Variants in MED13L observed in about 807,000 individuals in gnomAD.
The protein encoded by MED13L is mediator of RNA polymerase II transcription subunit 13-like.
In MED13L, 7 loss-of-function variants were observed where a neutral mutation model predicts 220.9. The ratio of observed to expected loss-of-function variants is 0.03; its 90% CI spans 0.02 to 0.06. The LOEUF (loss-of-function observed/expected upper bound fraction) is 0.06, where lower values mean the gene tolerates loss of function less well. MED13L is among the 10% of genes least tolerant of loss of function. MED13L has a pLI of 1.00. For synonymous variants in MED13L, 1,011 were observed against 1,015.2 expected (o/e 1.00, Z 0.08); for missense variants, 1,965 against 2,760.5 (o/e 0.71, Z 6.46).
chr12:116,247,614 T>C (rs1422104958), intron 1 of MED13L, among the ~76,000 whole-genome samples: 1 of 152,192 alleles, frequency 6.6e-6, no homozygotes, highest in Non-Finnish European at 1.5e-5. Context: ...CCCATCTGAC[T>C]GGTTATTTCC....
intron 2 of MED13L, among the ~76,000 whole-genome samples, chr12:116,160,686 C>T (rs539519791): frequency 1.4e-4 from 22 of 152,202 alleles, no homozygotes; most frequent in African/African-American, 5.3e-4. Flanking sequence ...CATTCTCCTA[C>T]CTCAGCCTCC....
At chr12:116,044,827 C>CA (rs1174483247) in intron 4 of MED13L, among the ~76,000 whole-genome samples, 1 of 152,150 alleles carries the variant, frequency 6.6e-6, no homozygotes, top group South Asian at 2.1e-4. Flanking sequence ...AGCTCATCAT[C>CA]AAAAATCATC....
chr12:116,200,840 G>C (rs1881967362), intron 2 of MED13L, among the ~76,000 whole-genome samples: 1 of 152,160 alleles, frequency 6.6e-6, no homozygotes, highest in Non-Finnish European at 1.5e-5. Flanking sequence ...GAGAGGTAGA[G>C]AATATCATAA....
At chr12:115,969,888 T>C (rs981112638) in intron 27 of MED13L, among the ~76,000 whole-genome samples, 1 of 152,128 alleles carries the variant, frequency 6.6e-6, no homozygotes, top group Non-Finnish European at 1.5e-5. Flanking sequence ...AGCAGAAAAT[T>C]TGTAAAGAAA....
intron 2 of MED13L, among the ~76,000 whole-genome samples, chr12:116,226,299 C>A (rs1436586630): frequency 6.6e-6 from 1 of 152,118 alleles, no homozygotes; most frequent in African/African-American, 2.4e-5. Flanking sequence ...GAACTCACTG[C>A]CAAATCCCAA....
In MED13L at chr12:116,022,488, T is replaced by C. The variant is rs764593997; in HGVS notation, c.593A>G (p.His198Arg). 1 of 1,613,844 alleles carries C rather than the reference T, an allele frequency of 6.2e-7. No homozygotes were observed. The highest frequency in any genetic ancestry group is 8.5e-7 in the Non-Finnish European group (1 of 1,179,878). The change falls in exon 5 of 31, where the codon CAC becomes CGC. Residue 198 changes from histidine to arginine, a missense_variant. This residue lies in a region of MED13L where 818 missense variants were observed against 1,041.2 expected (regional missense o/e 0.79). Transcript: ENST00000281928. ...PIYLINEEHI[H>R]MAQSSPAPFQ... is the part of the protein sequence containing the mutation. ...TGGTGCAGGTGAAGACTGAGCCATGTGTATATGCTCCTCATTGATCAAATA... is the reference window on the plus strand; with the variant it reads ...TGGTGCAGGTGAAGACTGAGCCATGCGTATATGCTCCTCATTGATCAAATA...
chr12:116,204,198 G>C (rs1156730665), intron 2 of MED13L, among the ~76,000 whole-genome samples: 1 of 152,070 alleles, frequency 6.6e-6, no homozygotes, highest in Non-Finnish European at 1.5e-5. Flanking sequence ...TTTTGAGAGA[G>C]AACAAAATTC....
intron 2 of MED13L, among the ~76,000 whole-genome samples, chr12:116,124,304 T>C (rs1875391531): frequency 6.6e-6 from 1 of 152,156 alleles, no homozygotes; most frequent in Non-Finnish European, 1.5e-5. Context: ...CTTGACAGTC[T>C]ATGGCAAATA....
chr12:115,985,517 G>A (rs976870161), intron 19 of MED13L, among the ~76,000 whole-genome samples: 2 of 152,152 alleles, frequency 1.3e-5, no homozygotes, highest in Non-Finnish European at 2.9e-5. Flanking sequence ...GCCTATCATA[G>A]TACTAAATAT....
At chr12:116,225,534 G>A (rs994861337) in intron 2 of MED13L, among the ~76,000 whole-genome samples, 1 of 152,184 alleles carries the variant, frequency 6.6e-6, no homozygotes, top group Admixed American at 6.5e-5. Context: ...GGATGCCAAG[G>A]CAAGCAACCT....
In MED13L at chr12:116,105,571, A is replaced by G. The variant is rs531172669; in HGVS notation, c.395+5857T>C. Among the ~76,000 whole-genome samples, 26 of 152,324 alleles carry G rather than the reference A, an allele frequency of 1.7e-4. No homozygotes were observed. The East Asian group carries it at 3.9e-3, about 23-fold the overall frequency. The stretch of plus-strand genomic sequence containing the variant: ...CTGACAAATTACAAATAAAAAATGT[A>G]CCAGAAGAAGCCAATAAGACTCAAA... On this transcript the variant is annotated intron_variant, in intron 3 of 30. Transcript: ENST00000281928.
intron 4 of MED13L, among the ~76,000 whole-genome samples, chr12:116,036,242 T>A (rs549781781): frequency 1.3e-5 from 2 of 152,246 alleles, no homozygotes; most frequent in African/African-American, 4.8e-5. Context: ...ACAACTGATA[T>A]ACACAGTGAA....
chr12:115,984,209 A>C lies in MED13L; in HGVS notation c.4502T>G (p.Leu1501Arg), dbSNP rs760556578. 6.2e-7 allele frequency: 1 copy of C among 1,613,992 alleles called. No homozygotes were observed. Among genetic ancestry groups the C allele is most frequent in the Non-Finnish European group, 8.5e-7 (1 of 1,179,980 alleles). Residue 1501 changes from leucine to arginine, a missense_variant, in exon 20 of 31, where the codon CTT (leucine) becomes CGT (arginine). By Grantham distance (102) the Leu-to-Arg change is moderately radical (BLOSUM62 -2). Transcript: ENST00000281928. ...GTGATGGCGGCAAACTTGCGCATAA[A>C]GTTTGAGTCTGGAATGATTGTCATT... ...EENDNHSRLK[L>R]YAQVCRHHLA... is the part of the protein sequence containing the mutation.
At chr12:116,098,325 G>A (rs1872786732) in intron 3 of MED13L, among the ~76,000 whole-genome samples, 1 of 152,202 alleles carries the variant, frequency 6.6e-6, no homozygotes, top group Admixed American at 6.5e-5. Flanking sequence ...TGCACATTTG[G>A]AACTACTGAA....
intron 14 of MED13L, among the ~76,000 whole-genome samples, chr12:116,001,698 T>G (rs1390975422): frequency 6.6e-6 from 1 of 152,244 alleles, no homozygotes; most frequent in Non-Finnish European, 1.5e-5. Context: ...TCTGTATTCT[T>G]GCATATCTGG....
chr12:116,166,310 G>C (rs542429424), intron 2 of MED13L, among the ~76,000 whole-genome samples: 56 of 152,290 alleles, frequency 3.7e-4, no homozygotes, highest in Non-Finnish European at 6.2e-4. Flanking sequence ...CAGTGGGCTG[G>C]GGAAAGCAGA....
chr12:115,985,049 G>A (rs1050623863), intron 19 of MED13L, among the ~76,000 whole-genome samples: 3 of 152,064 alleles, frequency 2.0e-5, no homozygotes, highest in African/African-American at 7.2e-5. Flanking sequence ...ACTAAGCCCC[G>A]ACAAAATCCT....
chr12:116,102,924 G>C (rs1238054239), intron 3 of MED13L, among the ~76,000 whole-genome samples: 7 of 151,658 alleles, frequency 4.6e-5, no homozygotes, highest in Non-Finnish European at 4.4e-5. Flanking sequence ...CACCATGTTG[G>C]TCAGGCTGGT....
chr12:116,210,017 A>C (rs907399480), intron 2 of MED13L, among the ~76,000 whole-genome samples: 1 of 152,218 alleles, frequency 6.6e-6, no homozygotes, highest in Non-Finnish European at 1.5e-5. Flanking sequence ...ATTCCCACAA[A>C]CTAGACTAAG....
Sources: allele counts gnomAD v4.1 joint callset (sites outside exome capture counted in the v4.1 genomes callset), GRCh38; gene constraint gnomAD v4.1.1; regional missense constraint gnomAD v4.1.1; transcripts MANE v1.5; gene names NCBI Gene and HGNC (gene_info 2026-07-23, HGNC 2026-07-21).